The following AQP9 variants were observed in gnomAD, a reference collection of about 807,000 sequenced individuals.
AQP9 encodes the protein aquaporin 9.
A neutral mutation model predicts 23.8 loss-of-function variants in AQP9; 19 were observed. That is an observed-to-expected ratio of 0.80 (90% CI 0.56 to 1.17). The LOEUF is 1.17. Among genes scored for constraint, AQP9 ranks in the 50% most tolerant of loss-of-function variants. The pLI is 0.00. For missense variants in AQP9, 413 were observed against 362.0 expected (o/e 1.14, Z -1.14); for synonymous variants, 153 against 131.5 (o/e 1.16, Z -1.12).
In AQP9 at chr15:58,185,690, A is replaced by G. The variant is rs1487369745; in HGVS notation, c.*1555A>G. ...TTACAAGCACCAGGGGATGCTCTAC[A>G]TCAAGGGATGCACCTTCAGTCAAAC... On this transcript the variant is annotated 3_prime_UTR_variant, in exon 6 of 6. Transcript: ENST00000219919. 1 of 152,180 alleles carries G rather than the reference A, an allele frequency of 6.6e-6. No homozygotes were observed. The highest frequency in any genetic ancestry group is 1.5e-5 in the Non-Finnish European group (1 of 68,054). 9.4% of individuals were successfully genotyped at this position (152,180 alleles called of 1,614,324 possible). A position where few individuals can be genotyped will look rare whatever the true frequency, so the allele number is the denominator to read the frequency against.
intron 5 of AQP9, among the ~76,000 whole-genome samples, chr15:58,183,097 T>C (rs1291773637): frequency 6.6e-6 from 1 of 152,194 alleles, no homozygotes; most frequent in African/African-American, 2.4e-5. Flanking sequence ...ACACTGAAAT[T>C]CTTACATGCC....
intron 4 of AQP9, 121 bp downstream of exon 4, chr15:58,175,157 G>C (rs1332661033): frequency 6.1e-6 from 6 of 990,132 alleles, no homozygotes; most frequent in Admixed American, 4.1e-5. Flanking sequence ...GGCAGAGGTT[G>C]CTGGGCATAA....
chr15:58,184,271 G>A lies in AQP9; in HGVS notation c.*136G>A. On this transcript the variant is annotated 3_prime_UTR_variant, in exon 6 of 6. Coordinates refer to ENST00000219919, the MANE Select transcript of AQP9 (RefSeq NM_020980.5). Reference sequence around the variant, plus strand: ...GCTAGCCATATGGGACATCTAATTGGAAAAGCATCTGCATAAAAGTTTGGA... The same window carrying A: ...GCTAGCCATATGGGACATCTAATTGAAAAAGCATCTGCATAAAAGTTTGGA... 2.3e-6 allele frequency: 2 copies of A among 869,980 alleles called. No individual in the cohort carries two copies. The highest frequency in any genetic ancestry group is 1.8e-5 in the South Asian group (1 of 54,358). 53.9% of individuals were successfully genotyped at this position (869,980 alleles called of 1,614,324 possible).
chr15:58,156,403 C>A (rs1282218785), intron 1 of AQP9, among the ~76,000 whole-genome samples: 1 of 152,130 alleles, frequency 6.6e-6, no homozygotes, highest in Non-Finnish European at 1.5e-5. Context: ...CACGTATTAA[C>A]AATCCCCCAA....
chr15:58,176,451 G>C (rs1227565612), intron 4 of AQP9, among the ~76,000 whole-genome samples: 22 of 152,030 alleles, frequency 1.4e-4, no homozygotes, highest in Admixed American at 1.4e-3. Flanking sequence ...CCAGGAGTTG[G>C]AGGCTGCAGT....
At chr15:58,147,012 G>A (rs1429373457) in intron 1 of AQP9, 4 of 152,176 alleles carry the variant, frequency 2.6e-5, no homozygotes, top group African/African-American at 4.8e-5. Context: ...AGCAATGAAC[G>A]TGGAGGACCA....
At position 58,173,192 on chromosome 15, in the gene AQP9, T is replaced by C. The variant is rs1898662590; in HGVS notation, c.363T>C (p.Phe121=). 8.7e-6 allele frequency: 14 copies of C among 1,614,156 alleles called. 1 individual carries two copies. In the South Asian group the frequency reaches 1.4e-4, roughly 16 times the overall value. Residue 121 remains phenylalanine (F), a synonymous_variant, in exon 3 of 6, where the codon TTT becomes TTC. Transcript: ENST00000219919. ...CCTTTGTGGGGGCTGCAACCGTCTT[T>C]GGCATTTACTATGGTGAGTAAAGTC... ...LGAFVGAATV[F]GIYYDGLMSF...
chr15:58,172,048 T>G (rs1362990389), intron 2 of AQP9, among the ~76,000 whole-genome samples: 2 of 152,250 alleles, frequency 1.3e-5, no homozygotes, highest in Admixed American at 6.5e-5. Flanking sequence ...TTTATTTATT[T>G]TTCTGCCCAC....
intron 1 of AQP9, chr15:58,153,035 G>A (rs920854982): frequency 6.6e-6 from 1 of 152,144 alleles, no homozygotes. Context: ...TGGATGAGAA[G>A]GTGTGGGAAT....
intron 1 of AQP9, chr15:58,146,580 T>C (rs1898048871): frequency 6.6e-6 from 1 of 152,232 alleles, no homozygotes; most frequent in South Asian, 2.1e-4. Flanking sequence ...TGAATCATTC[T>C]GCCTATTTTA....
intron 1 of AQP9, chr15:58,155,033 C>G (rs774837045): frequency 3.3e-5 from 5 of 152,160 alleles, no homozygotes; most frequent in African/African-American, 2.4e-5. Flanking sequence ...CCCACACCAT[C>G]CAACATTTCT....
chr15:58,184,032 A>G lies in AQP9; in HGVS notation c.785A>G (p.Tyr262Cys), dbSNP rs750410060. The G allele has an allele frequency of 9.3e-6, 15 of 1,613,982 alleles. No homozygotes were observed. In the South Asian group the frequency reaches 1.3e-4, roughly 14 times the overall value. The change falls in exon 6 of 6, where the codon TAT (tyrosine) becomes TGT (cysteine). Residue 262 changes from tyrosine to cysteine, a missense_variant. By Grantham distance (194) the Tyr-to-Cys change is radical. Coordinates refer to ENST00000219919, the MANE Select transcript of AQP9 (RefSeq NM_020980.5). ...LVGAVIGGLIYVLVIEIHHPE... is the reference protein window; with the variant it reads ...LVGAVIGGLICVLVIEIHHPE... ...GGTGCTGTCATTGGAGGCCTCATCT[A>G]TGTTCTTGTCATTGAAATCCACCAT...
In AQP9 at chr15:58,184,985, A is replaced by G. The variant is rs1898989833; in HGVS notation, c.*850A>G. The G allele has an allele frequency of 6.6e-6, 1 of 152,168 alleles. No individual in the cohort carries two copies. Among genetic ancestry groups the G allele is most frequent in the East Asian group, 1.9e-4 (1 of 5,200 alleles). 9.4% of individuals were successfully genotyped at this position (152,168 alleles called of 1,614,324 possible). ...AACAGACATTTGACAAGTTATATCA[A>G]CGACTGTGCTTGTCCATTATTTTAC... On this transcript the variant is annotated 3_prime_UTR_variant, in exon 6 of 6. Coordinates refer to ENST00000219919, the MANE Select transcript of AQP9 (RefSeq NM_020980.5).
chr15:58,157,613 A>G (rs1898290678), intron 1 of AQP9, among the ~76,000 whole-genome samples: 1 of 152,142 alleles, frequency 6.6e-6, no homozygotes, highest in Non-Finnish European at 1.5e-5. Context: ...GGCATGTTTA[A>G]TCAGCGTTAG....
At chr15:58,155,133 T>C (rs1189516188) in intron 1 of AQP9, 1 of 152,244 alleles carries the variant, frequency 6.6e-6, no homozygotes, top group East Asian at 1.9e-4. Context: ...ACACATCAGA[T>C]CCCTTAACTG....
In AQP9 at chr15:58,185,122, C is replaced by T. The variant is rs1344231766; in HGVS notation, c.*987C>T. On this transcript the variant is annotated 3_prime_UTR_variant, in exon 6 of 6. Coordinates refer to ENST00000219919, the MANE Select transcript of AQP9 (RefSeq NM_020980.5). ...TTATTGGGCTTAACAATTCACAAGGCACTTTCACACCCATTATCTAATTTA... is the reference window on the plus strand; with the variant it reads ...TTATTGGGCTTAACAATTCACAAGGTACTTTCACACCCATTATCTAATTTA... The T allele has an allele frequency of 6.6e-6, 1 of 152,198 alleles. No individual in the cohort carries two copies. Among genetic ancestry groups the T allele is most frequent in the African/African-American group, 2.4e-5 (1 of 41,436 alleles). The allele number at this position is 152,198 out of a possible 1,614,324, so 9.4% of individuals were successfully genotyped here.
intron 2 of AQP9, among the ~76,000 whole-genome samples, chr15:58,169,093 G>A (rs1252482386): frequency 3.3e-5 from 5 of 152,156 alleles, no homozygotes; most frequent in African/African-American, 9.7e-5. Context: ...GAACCAGCAG[G>A]AAGAAGAAGG....
chr15:58,160,748 A>G (rs1268374742), intron 1 of AQP9, among the ~76,000 whole-genome samples: 1 of 152,064 alleles, frequency 6.6e-6, no homozygotes, highest in South Asian at 2.1e-4. Flanking sequence ...GACGTGATAG[A>G]GTAGGCACAG....
At chr15:58,156,825 C>T (rs1595733399) in intron 1 of AQP9, among the ~76,000 whole-genome samples, 1 of 152,156 alleles carries the variant, frequency 6.6e-6, no homozygotes, top group Admixed American at 6.6e-5. Context: ...TAGCTCAGAA[C>T]ATTCAGGTGC....
Sources: gnomAD v4.1 joint callset for allele counts (sites outside exome capture counted in the v4.1 genomes callset) on GRCh38, gnomAD v4.1.1 for gene constraint, MANE v1.5 for transcripts, NCBI Gene and HGNC (gene_info 2026-07-23, HGNC 2026-07-21) for gene names.